PDE6A: variants seen among roughly 807,000 people sequenced by gnomAD.
The protein encoded by PDE6A is phosphodiesterase 6A.
PDE6A carries 84 observed loss-of-function variants against 106.3 expected under a neutral mutation model. That is an observed-to-expected ratio of 0.79 (90% CI 0.66 to 0.95). PDE6A has a LOEUF of 0.95. Among genes scored for constraint, PDE6A ranks in the 40% least tolerant of loss-of-function variants. The pLI, the probability that PDE6A is intolerant of heterozygous loss-of-function variation, is 0.00. For synonymous variants in PDE6A, 394 were observed against 386.6 expected (o/e 1.02, Z -0.23); for missense variants, 1,052 against 1,084.9 (o/e 0.97, Z 0.43).
chr5:149,870,932 G>GGAAGA (rs746519867), intron 17 of PDE6A, among the ~76,000 whole-genome samples: 6 of 148,044 alleles, frequency 4.1e-5, no homozygotes, highest in South Asian at 2.1e-4. Context: ...AAGAAAGAAA[G>GGAAGA]GAAGAGAAGA....
chr5:149,878,766 A>T (rs1019935525), intron 17 of PDE6A, among the ~76,000 whole-genome samples: 2 of 152,212 alleles, frequency 1.3e-5, no homozygotes, highest in Non-Finnish European at 2.9e-5. Context: ...ATAGGTTTAT[A>T]TCCCACTGTA....
rs535212686 is a variant in PDE6A, at chr5:149,902,156, T to C, written c.1113+1492A>G. Reference sequence around the variant, plus strand: ...AGGATCTGGTCTCTGTCCACCTCTCTAGAATCTTCTCCTGCCAGTCTCTCC... The same window carrying C: ...AGGATCTGGTCTCTGTCCACCTCTCCAGAATCTTCTCCTGCCAGTCTCTCC... On this transcript the variant is annotated intron_variant, in intron 8 of 21. Coordinates refer to ENST00000255266, the MANE Select transcript of PDE6A (RefSeq NM_000440.3). 5.3e-5 allele frequency among the ~76,000 whole-genome samples: 8 copies of C among 152,310 alleles called. No individual in the cohort carries two copies. The East Asian group carries it at 1.2e-3, about 22-fold the overall frequency.
At chr5:149,898,652 C>A (rs1445197277) in intron 9 of PDE6A, 146 bp from the exon 10 acceptor site, 7 of 734,796 alleles carry the variant, frequency 9.5e-6, no homozygotes, top group South Asian at 1.7e-5. Flanking sequence ...TTGCGGAGTT[C>A]TTATAAGGCT....
At chr5:149,861,734 A>G (rs2113490843) in intron 21 of PDE6A, among the ~76,000 whole-genome samples, 1 of 152,330 alleles carries the variant, frequency 6.6e-6, no homozygotes, top group East Asian at 1.9e-4. Context: ...AAAAATTCAC[A>G]TTTAAAAAAA....
Position 149,884,534 on chromosome 5 carries a change from C to A in PDE6A, c.1972G>T (p.Ala658Ser). Residue 658 changes from alanine to serine, a missense_variant, in exon 16 of 22, where the codon GCC becomes TCC. This residue lies in a region of PDE6A where 913 missense variants were observed against 915.2 expected (regional missense o/e 1.00). Coordinates refer to ENST00000255266, the MANE Select transcript of PDE6A (RefSeq NM_000440.3). ...QNLNRRQHEH[A>S]IHMMDIAIIA... is the part of the protein sequence containing the mutation. ...ATTGCAATGTCCATCATGTGGATGG[C>A]ATGCTCATGCTGTCGACGATTGAGG... The A allele has an allele frequency of 6.2e-7, 1 of 1,613,894 alleles. No individual in the cohort carries two copies. The highest frequency in any genetic ancestry group is 8.5e-7 in the Non-Finnish European group (1 of 1,179,914).
chr5:149,860,013 T>G lies in PDE6A; in HGVS notation c.*882A>C, dbSNP rs1760073077. On this transcript the variant is annotated 3_prime_UTR_variant, in exon 22 of 22. Coordinates refer to ENST00000255266, the MANE Select transcript of PDE6A (RefSeq NM_000440.3). The stretch of plus-strand genomic sequence containing the variant: ...TCCGCCTCCTGGGTTCAAGAGATCC[T>G]CTCACCTCTGCCTCCCAGGTAGCTG... 6.6e-6 allele frequency: 1 copy of G among 152,274 alleles called. No individual in the cohort carries two copies. Among genetic ancestry groups the G allele is most frequent in the African/African-American group, 2.4e-5 (1 of 41,450 alleles). 9.4% of individuals were successfully genotyped at this position (152,274 alleles called of 1,614,324 possible).
intron 6 of PDE6A, among the ~76,000 whole-genome samples, chr5:149,908,544 A>AT (rs1753273783): frequency 6.6e-6 from 1 of 152,138 alleles, no homozygotes; most frequent in South Asian, 2.1e-4. Context: ...GTTTTCTTTC[A>AT]TATTTCTCTA....
At position 149,863,388 on chromosome 5, in the gene PDE6A, G is replaced by A. The variant is rs1760214393; in HGVS notation, c.2359-122C>T. On this transcript the variant is annotated intron_variant, in intron 20 of 21. Transcript: ENST00000255266. This position sits in a 1 kb window ranked among gnomAD's most constrained non-coding sequence, Gnocchi z 4.7. ...GCTGCTTCGGAGTAGCAGGCCTCCC[G>A]CCACCGTGCTGATACTGCAGGGCCT... 1.9e-5 allele frequency: 18 copies of A among 949,186 alleles called. No individual in the cohort carries two copies. In the South Asian group the frequency reaches 2.3e-4, roughly 12 times the overall value. 58.8% of individuals were successfully genotyped at this position (949,186 alleles called of 1,614,324 possible).
Position 149,885,185 on chromosome 5 carries a change from A to G in PDE6A, c.1839-318T>C, listed in dbSNP as rs143610673. ...AAGCCGTGTATTTATTCATTTCTGC[A>G]TTCAATAATTATTTGTTGAGCACTT... On this transcript the variant is annotated intron_variant, in intron 14 of 21. Transcript: ENST00000255266. Among the ~76,000 whole-genome samples, 991 of 152,366 alleles carry G rather than the reference A, an allele frequency of 6.5e-3. 20 individuals carry two copies. The highest frequency in any genetic ancestry group is 0.022 in the African/African-American group (927 of 41,580).
chr5:149,893,585 G>A (rs112879494), intron 13 of PDE6A, among the ~76,000 whole-genome samples: 12 of 152,312 alleles, frequency 7.9e-5, no homozygotes, highest in African/African-American at 2.6e-4. Flanking sequence ...TTGCTTGTAG[G>A]ATGTCACTGG....
intron 1 of PDE6A, among the ~76,000 whole-genome samples, chr5:149,936,724 T>G (rs1233315330): frequency 6.6e-6 from 1 of 152,206 alleles, no homozygotes; most frequent in African/African-American, 2.4e-5. Context: ...TCTCAGATTA[T>G]CAAAGGCAGA....
chr5:149,884,387 T>C (rs1277426371), intron 16 of PDE6A, 92 bp downstream of exon 16: 1 of 769,072 alleles, frequency 1.3e-6, no homozygotes, highest in Non-Finnish European at 2.3e-6. Context: ...TGTATATATA[T>C]GTGTATATAT....
chr5:149,884,846 C>G lies in PDE6A; in HGVS notation c.1860G>C (p.Lys620Asn), dbSNP rs771570717. Residue 620 changes from lysine to asparagine, a missense_variant, in exon 15 of 22, where the codon AAG becomes AAC. By Grantham distance (94) the Lys-to-Asn change is moderately conservative. This residue lies in a region of PDE6A where 913 missense variants were observed against 915.2 expected (regional missense o/e 1.00). Transcript: ENST00000255266. ...TTTCCAAGATAGAGGACCCATGGAG[C>G]TTGGCCAGTGGGTTCTGGGATCTGA... ...YQMKSQNPLA[K>N]LHGSSILERH... 6.2e-7 allele frequency: 1 copy of G among 1,614,088 alleles called. No individual in the cohort carries two copies. Among genetic ancestry groups the G allele is most frequent in the Non-Finnish European group, 8.5e-7 (1 of 1,179,952 alleles).
chr5:149,914,845 G>T, intron 6 of PDE6A, 98 bp downstream of exon 6: 1 of 824,530 alleles, frequency 1.2e-6, no homozygotes, highest in African/African-American at 1.7e-5. Context: ...TGTATTTTAT[G>T]GAATGAAGTG....
chr5:149,877,920 G>C (rs1474530959), intron 17 of PDE6A, among the ~76,000 whole-genome samples: 2 of 152,182 alleles, frequency 1.3e-5, no homozygotes, highest in African/African-American at 4.8e-5. Context: ...ACTTGAGTTT[G>C]TACCAATTTT....
At chr5:149,867,420 G>A in intron 19 of PDE6A, 1 of 490,702 alleles carries the variant, frequency 2.0e-6, no homozygotes, top group Non-Finnish European at 3.7e-6. Context: ...CTAGGGTTGA[G>A]TGAGCTAAGG....
chr5:149,944,588 CG>C lies in PDE6A; in HGVS notation c.85del (p.Arg29GlyfsTer54). ...FAKQYYNLHYRAKLISDLLGA... is the reference protein window; with the variant it reads ...FAKQYYNLHYXAKLISDLLGA... ...AAGGAGGTCGGAGATGAGCTTGGCC[CG>C]GTAGTGGAGGTTGTAGTACTGTTTG... On this transcript the variant is annotated frameshift_variant, in exon 1 of 22. Transcript: ENST00000255266. LOFTEE classifies it high-confidence loss of function. 6.2e-7 allele frequency: 1 copy of C among 1,613,976 alleles called. No individual in the cohort carries two copies. Among genetic ancestry groups the C allele is most frequent in the South Asian group, 1.1e-5 (1 of 91,070 alleles).
intron 5 of PDE6A, among the ~76,000 whole-genome samples, chr5:149,920,981 A>AGAAAGAAAGAAG (rs763252601): frequency 1.5e-5 from 2 of 133,568 alleles, no homozygotes; most frequent in African/African-American, 7.6e-5. Context: ...AAAGAAAGAA[A>AGAAAGAAAGAAG]GAAAGAAAGA....
rs1760201855 is a variant in PDE6A, at chr5:149,863,132, C to G, written c.2493G>C (p.Gln831His). 1 of 1,614,228 alleles carries G rather than the reference C, an allele frequency of 6.2e-7. No individual in the cohort carries two copies. The highest frequency in any genetic ancestry group is 8.5e-7 in the Non-Finnish European group (1 of 1,180,048). ...CCTTCCACAAACCTGACTTGGCCGA[C>G]TGCTGTTTCTGCTTCTTCTCCTCCT... ...KVQEEKKQKQQSAKSAAAGNQ... is the reference protein window; with the variant it reads ...KVQEEKKQKQHSAKSAAAGNQ... Residue 831 changes from glutamine to histidine, a missense_variant, in exon 21 of 22, where the codon CAG becomes CAC. Physicochemically the swap from Gln to His is conservative, Grantham distance 24. Coordinates refer to ENST00000255266, the MANE Select transcript of PDE6A (RefSeq NM_000440.3). The surrounding 1 kb of genome is among the most constrained non-coding windows in gnomAD (Gnocchi z 4.7).
Sources: gnomAD v4.1 joint callset for allele counts (sites outside exome capture counted in the v4.1 genomes callset) on GRCh38, gnomAD v4.1.1 for gene constraint, gnomAD v4.1.1 regional missense constraint, Gnocchi (gnomAD v3.1) non-coding constraint, MANE v1.5 for transcripts, NCBI Gene and HGNC (gene_info 2026-07-23, HGNC 2026-07-21) for gene names.